LINGO2: variants seen among roughly 807,000 people sequenced by gnomAD.
The protein encoded by LINGO2 is leucine-rich repeat and immunoglobulin-like domain-containing nogo receptor-interacting protein 2.
A neutral mutation model predicts 30.6 loss-of-function variants in LINGO2; 14 were observed. The observed-to-expected ratio is 0.46, with a 90% CI of 0.30 to 0.72. LINGO2 has a LOEUF of 0.72. Among genes scored for constraint, LINGO2 ranks in the 30% least tolerant of loss-of-function variants. LINGO2 has a pLI of 0.07. For synonymous variants in LINGO2, 317 were observed against 288.5 expected (o/e 1.10, Z -1.00); for missense variants, 729 against 751.7 (o/e 0.97, Z 0.35).
the LINGO2 span, among the ~76,000 whole-genome samples, chr9:29,137,636 A>C: frequency 6.6e-6 from 1 of 152,176 alleles, no homozygotes; most frequent in East Asian, 1.9e-4. Context: ...ATAATAAAAG[A>C]CTTAAGGGCA....
At chr9:28,746,858 C>T in the LINGO2 span, among the ~76,000 whole-genome samples, 5 of 152,048 alleles carry the variant, frequency 3.3e-5, no homozygotes, top group Non-Finnish European at 7.3e-5. Context: ...GGAAACTTCA[C>T]TTTCACCTGC....
the LINGO2 span, among the ~76,000 whole-genome samples, chr9:29,152,361 T>G: frequency 6.6e-6 from 1 of 152,186 alleles, no homozygotes; most frequent in African/African-American, 2.4e-5. Context: ...ACATGCATTT[T>G]CATGTTCATT....
intron 2 of LINGO2, among the ~76,000 whole-genome samples, chr9:28,373,712 C>CTATACATTATATATAATGAAATATAGAT (rs1820993746): frequency 6.6e-6 from 1 of 151,998 alleles, no homozygotes; most frequent in Non-Finnish European, 1.5e-5. Flanking sequence ...CCAGCCTGGC[C>CTATACATTATATATAATGAAATATAGAT]AACATGGCGA....
At chr9:28,630,639 A>G (rs1046423980) in intron 1 of LINGO2, among the ~76,000 whole-genome samples, 3 of 152,122 alleles carry the variant, frequency 2.0e-5, no homozygotes, top group South Asian at 2.1e-4. Flanking sequence ...AATGCTATCA[A>G]AACTAACCTT....
chr9:28,433,914 G>GCTCGCTCT (rs1554720583), intron 2 of LINGO2, among the ~76,000 whole-genome samples: 15 of 83,848 alleles, frequency 1.8e-4, no homozygotes, highest in African/African-American at 6.2e-4. Flanking sequence ...AAGAAAATGT[G>GCTCGCTCT]CTCTCTCTTT....
intron 3 of LINGO2, among the ~76,000 whole-genome samples, chr9:28,361,481 T>C (rs1350712459): frequency 6.6e-6 from 1 of 152,132 alleles, no homozygotes; most frequent in African/African-American, 2.4e-5. Context: ...TGCTCTGATA[T>C]TTTTCATCTT....
the LINGO2 span, among the ~76,000 whole-genome samples, chr9:28,873,980 AT>A: frequency 6.6e-6 from 1 of 152,088 alleles, no homozygotes; most frequent in African/African-American, 2.4e-5. Context: ...AATAAATAAC[AT>A]TAACCAATTA....
At chr9:28,267,061 C>G (rs1206556188) in intron 4 of LINGO2, among the ~76,000 whole-genome samples, 2 of 152,024 alleles carry the variant, frequency 1.3e-5, no homozygotes, top group Non-Finnish European at 2.9e-5. Flanking sequence ...TGTTTCCAGA[C>G]AGTGCAATAA....
the LINGO2 span, among the ~76,000 whole-genome samples, chr9:28,882,925 T>C: frequency 6.6e-6 from 1 of 152,204 alleles, no homozygotes; most frequent in African/African-American, 2.4e-5. Flanking sequence ...ATTAGTCCCT[T>C]ACATACACAC....
intron 4 of LINGO2, among the ~76,000 whole-genome samples, chr9:28,060,973 C>T (rs1825125592): frequency 6.6e-6 from 1 of 151,976 alleles, no homozygotes; most frequent in African/African-American, 2.4e-5. Context: ...TTTCAATCCC[C>T]ATTTTTTAGA....
At chr9:28,473,894 C>T (rs751520486) in intron 2 of LINGO2, among the ~76,000 whole-genome samples, 14 of 151,688 alleles carry the variant, frequency 9.2e-5, no homozygotes, top group Non-Finnish European at 1.5e-5. Flanking sequence ...TCAAGCACTG[C>T]TAAGAAAAAA....
At chr9:28,727,289 C>CT in the LINGO2 span, among the ~76,000 whole-genome samples, 250 of 145,624 alleles carry the variant, frequency 1.7e-3, 1 homozygote, top group East Asian at 7.0e-3. Flanking sequence ...AAAAATCCTT[C>CT]TTTTTTTTTT....
intron 4 of LINGO2, among the ~76,000 whole-genome samples, chr9:28,095,834 A>G (rs1185215681): frequency 6.6e-6 from 1 of 152,194 alleles, no homozygotes; most frequent in African/African-American, 2.4e-5. Context: ...TAACATCAGA[A>G]TCTACAATGA....
the LINGO2 span, among the ~76,000 whole-genome samples, chr9:29,198,711 G>C: frequency 6.6e-6 from 1 of 152,110 alleles, no homozygotes; most frequent in Non-Finnish European, 1.5e-5. Context: ...GGAGAGGCAA[G>C]ATTCTGTAAA....
rs553941895 is a variant in LINGO2, at chr9:28,306,048, AC to A, written c.-245-10683del. 4.3e-4 allele frequency among the ~76,000 whole-genome samples: 65 copies of A among 152,218 alleles called. 1 individual carries two copies. The highest frequency in any genetic ancestry group is 1.5e-3 in the African/African-American group (62 of 41,580). ...TTCTAAGTTGACCAGGCCAAGCCAA[AC>A]CAATCAGGATCAATTTATGAATTAT... On this transcript the variant is annotated intron_variant, in intron 3 of 5. Coordinates refer to ENST00000379992, the Ensembl canonical transcript of LINGO2.
At chr9:28,052,058 G>GAT (rs1431730674) in intron 4 of LINGO2, among the ~76,000 whole-genome samples, 6 of 152,024 alleles carry the variant, frequency 3.9e-5, no homozygotes, top group African/African-American at 1.4e-4. Context: ...TTATCACTTT[G>GAT]ATATGCTAAG....
At chr9:28,092,440 G>T (rs543907406) in intron 4 of LINGO2, among the ~76,000 whole-genome samples, 2 of 150,506 alleles carry the variant, frequency 1.3e-5, no homozygotes, top group Non-Finnish European at 2.9e-5. Flanking sequence ...GCAAACTGTC[G>T]CAAGGACAAA....
the LINGO2 span, among the ~76,000 whole-genome samples, chr9:29,184,811 A>T: frequency 6.6e-6 from 1 of 151,794 alleles, no homozygotes; most frequent in Admixed American, 6.6e-5. Context: ...ATTACCTTAC[A>T]CTTAAGCCCA....
intron 2 of LINGO2, among the ~76,000 whole-genome samples, chr9:28,430,746 A>T (rs1014352940): frequency 6.6e-6 from 1 of 152,084 alleles, no homozygotes; most frequent in African/African-American, 2.4e-5. Flanking sequence ...ACAAATGCTT[A>T]CTTTTTTACA....
Sources: gnomAD v4.1 joint callset for allele counts (sites outside exome capture counted in the v4.1 genomes callset) on GRCh38, gnomAD v4.1.1 for gene constraint, MANE v1.5 for transcripts, NCBI Gene and HGNC (gene_info 2026-07-23, HGNC 2026-07-21) for gene names.